Variants in SPECC1L observed in about 807,000 individuals in gnomAD.
SPECC1L encodes the protein cytospin-A.
Under a neutral mutation model 116.8 loss-of-function variants are expected in SPECC1L, and 40 were observed. The observed-to-expected ratio is 0.34, with a 90% CI of 0.27 to 0.45. The LOEUF (loss-of-function observed/expected upper bound fraction) is 0.45, where lower values mean the gene tolerates loss of function less well. Ranked by LOEUF, SPECC1L falls within the 20% of genes least tolerant of loss-of-function variation. The pLI is 1.00. For synonymous variants in SPECC1L, 504 were observed against 500.6 expected (o/e 1.01, Z -0.09); for missense variants, 1,110 against 1,373.6 (o/e 0.81, Z 3.03).
At chr22:24,374,776 TAAA>T (rs1010730703) in intron 14 of SPECC1L, among the ~76,000 whole-genome samples, 1 of 141,534 alleles carries the variant, frequency 7.1e-6, no homozygotes, top group African/African-American at 2.6e-5. Context: ...AAGTATAATT[TAAA>T]AAAAAAGGAA....
intron 16 of SPECC1L, among the ~76,000 whole-genome samples, chr22:24,413,322 C>G (rs950935870): frequency 5.3e-5 from 8 of 152,186 alleles, no homozygotes; most frequent in African/African-American, 1.9e-4. Flanking sequence ...GCGTCCAAAT[C>G]CAAAGCCAAA....
At chr22:24,332,208 G>A (rs2040952778) in intron 8 of SPECC1L, among the ~76,000 whole-genome samples, 1 of 152,136 alleles carries the variant, frequency 6.6e-6, no homozygotes, top group Non-Finnish European at 1.5e-5. Flanking sequence ...TAAAATGTGG[G>A]CTTTGAAGTG....
chr22:24,397,804 T>G (rs1312150348), intron 14 of SPECC1L, among the ~76,000 whole-genome samples: 1 of 152,218 alleles, frequency 6.6e-6, no homozygotes, highest in Non-Finnish European at 1.5e-5. Flanking sequence ...TTCTTTCTCT[T>G]TAAATTCTCT....
At chr22:24,294,045 A>C (rs2146376382) in intron 2 of SPECC1L, among the ~76,000 whole-genome samples, 1 of 28,866 alleles carries the variant, frequency 3.5e-5, no homozygotes, top group South Asian at 8.9e-4. Context: ...GTGTCACATG[A>C]AGCCCAGGGC....
intron 14 of SPECC1L, among the ~76,000 whole-genome samples, chr22:24,398,888 C>T (rs2146768381): frequency 6.6e-6 from 1 of 152,320 alleles, no homozygotes; most frequent in South Asian, 2.1e-4. Flanking sequence ...GAGCATGCAC[C>T]AGGGCAGATC....
Position 24,320,487 on chromosome 22 carries a change from A to G in SPECC1L, c.308-801A>G, listed in dbSNP as rs377506274. ...CAGTATAACATACTGGTTAAGGTGC[A>G]AAATCTGGAACCAGACTGCCTGGGT... On this transcript the variant is annotated intron_variant, in intron 4 of 16. Coordinates refer to ENST00000314328, the MANE Select transcript of SPECC1L (RefSeq NM_015330.6). 2.6e-4 allele frequency among the ~76,000 whole-genome samples: 39 copies of G among 152,308 alleles called. 1 individual carries two copies. The highest frequency in any genetic ancestry group is 5.7e-4 in the Non-Finnish European group (39 of 68,026).
intron 11 of SPECC1L, among the ~76,000 whole-genome samples, chr22:24,352,415 C>G (rs1373157883): frequency 6.6e-6 from 1 of 152,074 alleles, no homozygotes; most frequent in Non-Finnish European, 1.5e-5. Flanking sequence ...ATATAGATGT[C>G]TTAAGAAGTT....
chr22:24,355,722 A>G (rs1046748401), intron 11 of SPECC1L, among the ~76,000 whole-genome samples: 2 of 151,698 alleles, frequency 1.3e-5, no homozygotes, highest in African/African-American at 4.8e-5. Context: ...CTTTTTCCCT[A>G]CTCACTTCAG....
chr22:24,316,274 T>TTTTATTTATTTATTTATTTA lies in SPECC1L; in HGVS notation c.307+2815_307+2834dup, dbSNP rs71189243. Among the ~76,000 whole-genome samples, 107 of 149,220 alleles carry TTTTATTTATTTATTTATTTA rather than the reference T, an allele frequency of 7.2e-4. 1 individual carries two copies. Among genetic ancestry groups the TTTTATTTATTTATTTATTTA allele is most frequent in the African/African-American group, 2.5e-3 (102 of 40,498 alleles). ...TCTTTCAAACATGAACAGATTTTCT[T>TTTTATTTATTTATTTATTTA]TTTATTTATTTATTTATTTATTTAT... is the stretch of plus-strand genomic sequence containing the variant. On this transcript the variant is annotated intron_variant, in intron 4 of 16. Transcript: ENST00000314328.
At chr22:24,388,227 C>T (rs1466846697) in intron 14 of SPECC1L, among the ~76,000 whole-genome samples, 120 of 103,474 alleles carry the variant, frequency 1.2e-3, no homozygotes, top group African/African-American at 4.4e-3. Flanking sequence ...TGCTATCCCT[C>T]CCCCCTCCCC....
rs1047788444 is a variant in SPECC1L, at chr22:24,417,192, G to A, written c.*2569G>A. ...CGATCCCAGGCTTCTGCGGACCGACGATACGTTTAAATGTTGTTCTAGTAA... is the reference window on the plus strand; with the variant it reads ...CGATCCCAGGCTTCTGCGGACCGACAATACGTTTAAATGTTGTTCTAGTAA... On this transcript the variant is annotated 3_prime_UTR_variant, in exon 17 of 17. Transcript: ENST00000314328. The A allele has an allele frequency of 1.2e-4, 19 of 152,574 alleles. No homozygotes were observed. Among genetic ancestry groups the A allele is most frequent in the Admixed American group, 7.9e-4 (12 of 15,282 alleles). 9.5% of individuals were successfully genotyped at this position (152,574 alleles called of 1,614,324 possible). A position where few individuals can be genotyped will look rare whatever the true frequency, so the allele number is the denominator to read the frequency against.
intron 10 of SPECC1L, among the ~76,000 whole-genome samples, chr22:24,340,839 AGTTTTTCAAAACTCCCTGG>A (rs956463102): frequency 2.0e-5 from 3 of 152,146 alleles, no homozygotes; most frequent in African/African-American, 7.2e-5. Context: ...TGGGATTGTT[AGTTTTTCAAAACTCCCTGG>A]GTAGGAATTC....
chr22:24,283,370 G>A (rs769381470), intron 2 of SPECC1L, among the ~76,000 whole-genome samples: 34 of 152,224 alleles, frequency 2.2e-4, no homozygotes, highest in Non-Finnish European at 3.7e-4. Flanking sequence ...GAGCCACCGC[G>A]CCCAGCCTGC....
At chr22:24,306,145 C>T (rs1039937255) in intron 3 of SPECC1L, among the ~76,000 whole-genome samples, 3 of 151,944 alleles carry the variant, frequency 2.0e-5, no homozygotes, top group African/African-American at 7.3e-5. Flanking sequence ...GACCTCAGGT[C>T]ATCCACCCAC....
At position 24,321,571 on chromosome 22, in the gene SPECC1L, A is replaced by G. The variant is rs762764684; in HGVS notation, c.591A>G (p.Val197=). The G allele has an allele frequency of 6.2e-6, 10 of 1,614,122 alleles. No individual in the cohort carries two copies. In the South Asian group the frequency reaches 1.1e-4, roughly 18 times the overall value. The stretch of plus-strand genomic sequence containing the variant: ...TCACGCTGGCAAAAACCAAAGACGT[A>G]GAAATTTTACATTTGAGAAATGAAC... ...DLLTLAKTKD[V]EILHLRNELR... is the part of the protein sequence containing the mutation. Residue 197 remains valine, a synonymous_variant, in exon 5 of 17, where the codon GTA becomes GTG. Coordinates refer to ENST00000314328, the MANE Select transcript of SPECC1L (RefSeq NM_015330.6).
chr22:24,309,615 G>A (rs1164957640), intron 3 of SPECC1L, among the ~76,000 whole-genome samples: 1 of 151,962 alleles, frequency 6.6e-6, no homozygotes, highest in Admixed American at 6.6e-5. Flanking sequence ...TGGCCAGGCT[G>A]GTCTTGAACT....
chr22:24,326,946 A>G (rs1412566959), intron 6 of SPECC1L, among the ~76,000 whole-genome samples: 5 of 152,144 alleles, frequency 3.3e-5, no homozygotes, highest in African/African-American at 1.2e-4. Flanking sequence ...TAAATATTCT[A>G]GGCTCTATGT....
At chr22:24,364,713 A>G in intron 12 of SPECC1L, among the ~76,000 whole-genome samples, 1 of 151,506 alleles carries the variant, frequency 6.6e-6, no homozygotes, top group East Asian at 1.9e-4. Context: ...GTAGCCCTGT[A>G]ATAAAGCATG....
intron 14 of SPECC1L, among the ~76,000 whole-genome samples, chr22:24,403,992 C>T (rs1337570699): frequency 1.3e-5 from 2 of 152,332 alleles, no homozygotes; most frequent in South Asian, 2.1e-4. Context: ...TTGCTCTTCC[C>T]TTTATTCGCC....
Sources: allele counts gnomAD v4.1 joint callset (sites outside exome capture counted in the v4.1 genomes callset), GRCh38; gene constraint gnomAD v4.1.1; transcripts MANE v1.5; gene names NCBI Gene and HGNC (gene_info 2026-07-23, HGNC 2026-07-21).